The following MAPK8IP3 variants were observed in gnomAD, a reference collection of about 807,000 sequenced individuals.
The protein encoded by MAPK8IP3 is mitogen-activated protein kinase 8 interacting protein 3, also known as C-Jun-amino-terminal kinase-interacting protein 3.
MAPK8IP3 carries 49 observed loss-of-function variants against 157.8 expected under a neutral mutation model. The observed-to-expected ratio is 0.31, with a 90% CI of 0.25 to 0.39. The LOEUF (loss-of-function observed/expected upper bound fraction) is 0.39. Among genes scored for constraint, MAPK8IP3 ranks in the 10% least tolerant of loss-of-function variants. MAPK8IP3 has a pLI of 1.00. For missense variants in MAPK8IP3, 1,478 were observed against 1,889.4 expected (o/e 0.78, Z 4.04); for synonymous variants, 897 against 777.7 (o/e 1.15, Z -2.55).
intron 1 of MAPK8IP3, chr16:1,707,536 C>T (rs1373218674): frequency 6.6e-6 from 1 of 152,278 alleles, no homozygotes; most frequent in Non-Finnish European, 1.5e-5. Context: ...TTACAAGAGC[C>T]GGGCCCTGTG....
intron 20 of MAPK8IP3, 36 bp from the exon 21 acceptor site, chr16:1,765,923 TC>T: frequency 6.4e-7 from 1 of 1,568,102 alleles, no homozygotes; most frequent in Admixed American, 1.8e-5. Context: ...AGTAGTGGGT[TC>T]CCCCGCACAG....
At chr16:1,727,884 T>C (rs923996543) in intron 2 of MAPK8IP3, among the ~76,000 whole-genome samples, 4 of 152,188 alleles carry the variant, frequency 2.6e-5, no homozygotes, top group African/African-American at 9.7e-5. Flanking sequence ...TTGAGCCACA[T>C]AATCTGTGGA....
At chr16:1,767,078 G>A (rs1189672998) in intron 25 of MAPK8IP3, 71 bp from the exon 26 acceptor site, 14 of 1,591,290 alleles carry the variant, frequency 8.8e-6, no homozygotes, top group African/African-American at 1.3e-5. Flanking sequence ...GGCAGTGGGT[G>A]TCTCAACCCG....
At chr16:1,736,407 ACCGT>A (rs1309015034) in intron 4 of MAPK8IP3, among the ~76,000 whole-genome samples, 1 of 69,516 alleles carries the variant, frequency 1.4e-5, no homozygotes, top group Non-Finnish European at 2.5e-5. Context: ...TCCGTGTGTG[ACCGT>A]CCGTGTAAGC....
chr16:1,761,375 GTTCACCATTCACACACAGGGTGACCACCA>G, intron 13 of MAPK8IP3, 70 bp downstream of exon 13: 1 of 1,264,276 alleles, frequency 7.9e-7, no homozygotes, highest in Non-Finnish European at 1.1e-6. Context: ...GGCGGCCACC[GTTCACCATTCACACACAGGGTGACCACCA>G]TTCACCATTC....
intron 3 of MAPK8IP3, 54 bp downstream of exon 3, chr16:1,729,262 T>C (rs1196936020): frequency 1.1e-5 from 17 of 1,575,604 alleles, no homozygotes; most frequent in Non-Finnish European, 1.4e-5. Flanking sequence ...GGCCGCGGCC[T>C]GACGCCTGCG....
At position 1,765,175 on chromosome 16, in the gene MAPK8IP3, C is replaced by T. The variant is rs751295459; in HGVS notation, c.2443C>T (p.Pro815Ser). Residue 815 changes from proline to serine, a missense_variant, in exon 20 of 32, where the codon CCC becomes TCC. By Grantham distance (74) the Pro-to-Ser change is moderately conservative. Around this residue, in one of 11 missense-constraint regions of MAPK8IP3, gnomAD observed 669 missense variants for 759.8 expected, o/e 0.88. Coordinates refer to ENST00000610761, the MANE Select transcript of MAPK8IP3 (RefSeq NM_001318852.2). ...GCACGTGCTGTGCATCTCCAGCATC[C>T]CCGGTGAGCAGCTGGAGTGGGCGTT... Reference protein sequence around the residue: ...NAHVLCISSIPAASDSDYPPG... With the variant: ...NAHVLCISSISAASDSDYPPG... 1.9e-6 allele frequency: 3 copies of T among 1,589,438 alleles called. No individual in the cohort carries two copies. The highest frequency in any genetic ancestry group is 2.3e-5 in the East Asian group (1 of 44,042).
rs1596521866 is a variant in MAPK8IP3 at position 1,706,807 on chromosome 16, G to C, written c.318+150G>C. 1.4e-6 allele frequency: 1 copy of C among 693,048 alleles called. No individual in the cohort carries two copies. The highest frequency in any genetic ancestry group is 2.0e-6 in the Non-Finnish European group (1 of 497,460). The allele number at this position is 693,048 out of a possible 1,614,324, so 42.9% of individuals were successfully genotyped here. ...ACCCCCAGACCCCGCCCCGAGACCC[G>C]CCTGGACCCCATATCCCCCGCCCCG... is the stretch of plus-strand genomic sequence containing the variant. On this transcript the variant is annotated intron_variant, in intron 1 of 31. Coordinates refer to ENST00000610761, the MANE Select transcript of MAPK8IP3 (RefSeq NM_001318852.2). This position sits in a 1 kb window ranked among gnomAD's most constrained non-coding sequence, Gnocchi z 5.1.
intron 1 of MAPK8IP3, among the ~76,000 whole-genome samples, chr16:1,723,114 A>G (rs904004978): frequency 2.0e-5 from 3 of 151,288 alleles, no homozygotes; most frequent in Non-Finnish European, 2.9e-5. Flanking sequence ...GGCTCACTGC[A>G]ATCTCCACCT....
At chr16:1,763,140 G>A (rs1433265154) in intron 16 of MAPK8IP3, 134 bp downstream of exon 16, 46 of 1,169,374 alleles carry the variant, frequency 3.9e-5, no homozygotes, top group East Asian at 1.5e-4. Context: ...GCCAGGGGCC[G>A]TGACCTCTCC....
rs776954554 is a variant in MAPK8IP3 at position 1,766,221 on chromosome 16, G to A, written c.2631G>A (p.Gly877=). ...CCAAGCTCACCTCTCCTAACACAGG[G>A]GAGGTGGCCACCATCGCCAACGGGA... is the stretch of plus-strand genomic sequence containing the variant. ...GDTPVLDKGQ[G]EVATIANGKV... Residue 877 remains glycine (G), a splice_region_variant and synonymous_variant, in exon 22 of 32, where the codon GGG becomes GGA. Transcript: ENST00000610761. 1 of 1,609,030 alleles carries A rather than the reference G, an allele frequency of 6.2e-7. No homozygotes were observed. The highest frequency in any genetic ancestry group is 8.5e-7 in the Non-Finnish European group (1 of 1,177,772).
In MAPK8IP3 at chr16:1,764,386, G is replaced by C; in HGVS notation, c.2207G>C (p.Arg736Pro). ...AATGGAGTCAAGCCAGCGCCAGGCC[G>C]CGATCCCCTGACCTGCGACCGCGAA... ...AGNGVKPAPG[R>P]DPLTCDREGD... Residue 736 changes from arginine to proline, a missense_variant, in exon 19 of 32, where the codon CGC becomes CCC. Arg to Pro is a moderately radical substitution (Grantham distance 103, BLOSUM62 -2). Transcript: ENST00000610761. The C allele has an allele frequency of 1.3e-6, 2 of 1,595,542 alleles. No homozygotes were observed. Among genetic ancestry groups the C allele is most frequent in the Non-Finnish European group, 1.7e-6 (2 of 1,172,560 alleles).
chr16:1,745,200 G>C (rs1470612983), intron 5 of MAPK8IP3: 1 of 984,470 alleles, frequency 1.0e-6, no homozygotes, highest in East Asian at 1.1e-4. Flanking sequence ...AGAATTCCCC[G>C]CAGCCACCAT....
intron 4 of MAPK8IP3, among the ~76,000 whole-genome samples, chr16:1,740,730 G>C (rs978395644): frequency 1.2e-4 from 18 of 152,270 alleles, no homozygotes; most frequent in African/African-American, 3.9e-4. Context: ...TAAAACCCAA[G>C]AGGTGTGTCC....
In MAPK8IP3 at chr16:1,743,717, C is replaced by A. The variant is rs2040811660; in HGVS notation, c.747+241C>A. The A allele has an allele frequency of 7.2e-7, 1 of 1,385,862 alleles. No homozygotes were observed. The highest frequency in any genetic ancestry group is 9.3e-7 in the Non-Finnish European group (1 of 1,077,224). The allele number at this position is 1,385,862 out of a possible 1,614,324, so 85.8% of individuals were successfully genotyped here. A position where few individuals can be genotyped will look rare whatever the true frequency, so the allele number is the denominator to read the frequency against. ...TCGTGTCGGCACCTGCTAGTCCAGG[C>A]TAGACCTCCCTGCCCTTGGATAGAC... On this transcript the variant is annotated intron_variant, in intron 5 of 31. Transcript: ENST00000610761. This position sits in a 1 kb window ranked among gnomAD's most constrained non-coding sequence, Gnocchi z 5.6.
intron 4 of MAPK8IP3, among the ~76,000 whole-genome samples, chr16:1,737,594 G>A (rs1306582304): frequency 2.0e-5 from 2 of 97,800 alleles, no homozygotes; most frequent in African/African-American, 4.2e-5. Flanking sequence ...GTGAGCATCC[G>A]TGTGAGCGTG....
chr16:1,761,130 CA>C, intron 12 of MAPK8IP3, 93 bp from the exon 13 acceptor site: 1 of 995,864 alleles, frequency 1.0e-6, no homozygotes, highest in Non-Finnish European at 1.6e-6. Flanking sequence ...TGCACAGAGG[CA>C]AGGACACAGG....
chr16:1,758,873 C>T lies in MAPK8IP3; in HGVS notation c.1229-105C>T. The T allele has an allele frequency of 3.9e-6, 5 of 1,276,560 alleles. No homozygotes were observed. In the South Asian group the frequency reaches 4.9e-5, roughly 13 times the overall value. The allele number at this position is 1,276,560 out of a possible 1,614,324, so 79.1% of individuals were successfully genotyped here. A position where few individuals can be genotyped will look rare whatever the true frequency, so the allele number is the denominator to read the frequency against. On this transcript the variant is annotated intron_variant, in intron 9 of 31. Transcript: ENST00000610761. The stretch of plus-strand genomic sequence containing the variant: ...CAGCAGACCCAGCTCTGAATTCCTC[C>T]CAGCCTGCTGTCCACACGGGCTTAA...
chr16:1,740,692 C>A (rs1026520634), intron 4 of MAPK8IP3, among the ~76,000 whole-genome samples: 1 of 152,228 alleles, frequency 6.6e-6, no homozygotes, highest in African/African-American at 2.4e-5. Flanking sequence ...CGCTGCCCTG[C>A]AGTCCTCGTC....
Sources: gnomAD v4.1 joint callset for allele counts (sites outside exome capture counted in the v4.1 genomes callset) on GRCh38, gnomAD v4.1.1 for gene constraint, gnomAD v4.1.1 regional missense constraint, Gnocchi (gnomAD v3.1) non-coding constraint, MANE v1.5 for transcripts, NCBI Gene and HGNC (gene_info 2026-07-23, HGNC 2026-07-21) for gene names.